The following UMAD1 variants were observed in gnomAD, a reference collection of about 807,000 sequenced individuals.
The protein encoded by UMAD1 is UBAP1-MVB12-associated (UMA) domain containing 1.
UMAD1 carries 8 observed loss-of-function variants against 6.1 expected under a neutral mutation model. The observed-to-expected ratio is 1.30, with a 90% CI of 0.76 to 2.35. The LOEUF is 2.35. Among genes scored for constraint, UMAD1 ranks in the 30% most tolerant of loss-of-function variants. The pLI is 0.00. For synonymous variants in UMAD1, 56 were observed against 31.4 expected, an observed-to-expected ratio of 1.78 and a Z score of -2.61; for missense variants, 130 against 78.4, an observed-to-expected ratio of 1.66 and a Z score of -2.49.
chr7:7,644,108 G>A (rs1360154996), intron 1 of UMAD1, among the ~76,000 whole-genome samples: 2 of 152,080 alleles, frequency 1.3e-5, no homozygotes, highest in Non-Finnish European at 2.9e-5. Context: ...GGCAACTCTT[G>A]GAGTTTTTTC....
intron 2 of UMAD1, among the ~76,000 whole-genome samples, chr7:7,716,027 A>G (rs1378997804): frequency 6.6e-6 from 1 of 152,228 alleles, no homozygotes. Flanking sequence ...TTTAAATTAG[A>G]AACTAATATA....
intron 3 of UMAD1, among the ~76,000 whole-genome samples, chr7:7,838,703 C>T (rs1326577805): frequency 6.6e-6 from 1 of 152,034 alleles, no homozygotes; most frequent in African/African-American, 2.4e-5. Context: ...TATCCATCAT[C>T]CACAGAATGA....
intron 1 of UMAD1, among the ~76,000 whole-genome samples, chr7:7,660,845 C>T (rs1241593891): frequency 1.3e-5 from 2 of 152,146 alleles, no homozygotes; most frequent in African/African-American, 2.4e-5. Context: ...TGAATGTTGG[C>T]CTGTCTTGCT....
intron 2 of UMAD1, chr7:7,738,545 G>A (rs1027392975): frequency 6.6e-6 from 1 of 152,182 alleles, no homozygotes; most frequent in Non-Finnish European, 1.5e-5. Flanking sequence ...GAATATAAAT[G>A]AACTTTATTT....
intron 3 of UMAD1, among the ~76,000 whole-genome samples, chr7:7,834,483 C>G (rs1783528112): frequency 6.6e-6 from 1 of 152,176 alleles, no homozygotes; most frequent in South Asian, 2.1e-4. Flanking sequence ...GACTGGGTGA[C>G]TTAAACAACA....
intron 3 of UMAD1, among the ~76,000 whole-genome samples, chr7:7,851,106 C>T (rs368679433): frequency 1.9e-4 from 29 of 152,184 alleles, no homozygotes; most frequent in African/African-American, 6.5e-4. Context: ...TATTCTGTCT[C>T]TTATAGATTT....
chr7:7,768,333 T>G (rs1455370836), intron 2 of UMAD1, among the ~76,000 whole-genome samples: 4 of 152,182 alleles, frequency 2.6e-5, no homozygotes, highest in African/African-American at 9.6e-5. Flanking sequence ...GAGAGGGATT[T>G]CCTCATTTCT....
rs548746506 is a variant in UMAD1, at chr7:7,753,496, A to G, written c.83-48174A>G. Among the ~76,000 whole-genome samples, 6 of 152,234 alleles carry G rather than the reference A, an allele frequency of 3.9e-5. No homozygotes were observed. The South Asian group carries it at 1.2e-3, about 32-fold the overall frequency. ...TAAGTTCAATTGTTTTGATTTTGAG[A>G]TCCCACGAATAAGTGAGAGCATGTG... On this transcript the variant is annotated intron_variant, in intron 2 of 3. Coordinates refer to ENST00000682710, the MANE Select transcript of UMAD1 (RefSeq NM_001302348.2).
intron 1 of UMAD1, among the ~76,000 whole-genome samples, chr7:7,672,469 G>T (rs144714586): frequency 9.1e-4 from 139 of 152,254 alleles, no homozygotes; most frequent in African/African-American, 3.2e-3. Context: ...ATTTTATAAT[G>T]GGTACTGATA....
intron 2 of UMAD1, among the ~76,000 whole-genome samples, chr7:7,686,543 A>G (rs1439211414): frequency 1.3e-5 from 2 of 152,222 alleles, no homozygotes; most frequent in Non-Finnish European, 2.9e-5. Context: ...TGAATGCATT[A>G]CTGAGAAGGC....
At chr7:7,840,917 C>G (rs1252727575) in intron 3 of UMAD1, among the ~76,000 whole-genome samples, 1 of 152,164 alleles carries the variant, frequency 6.6e-6, no homozygotes, top group Non-Finnish European at 1.5e-5. Context: ...GCTTAGCAGT[C>G]TGCACTTGTC....
rs111834772 is a variant in UMAD1 at position 7,873,972 on chromosome 7, T to C, written c.157-3309T>C. The stretch of plus-strand genomic sequence containing the variant: ...CTCGTCCAGCTGCAGATTCAAATTA[T>C]ATCCCCCTGCCTACTAACAGCTCCA... On this transcript the variant is annotated intron_variant, in intron 3 of 3. Transcript: ENST00000682710. Among the ~76,000 whole-genome samples the C allele has an allele frequency of 3.9e-4, 60 of 152,328 alleles. 1 individual carries two copies. Among genetic ancestry groups the C allele is most frequent in the Middle Eastern group, 6.8e-3 (2 of 294 alleles).
At chr7:7,793,135 T>C (rs1202532187) in intron 2 of UMAD1, among the ~76,000 whole-genome samples, 1 of 152,222 alleles carries the variant, frequency 6.6e-6, no homozygotes, top group African/African-American at 2.4e-5. Flanking sequence ...AACCAAGACC[T>C]TACCCCGGCT....
At chr7:7,748,023 G>A (rs1490784489) in intron 2 of UMAD1, among the ~76,000 whole-genome samples, 2 of 151,440 alleles carry the variant, frequency 1.3e-5, no homozygotes, top group African/African-American at 2.4e-5. Context: ...TGCAACCTCC[G>A]CCTCCTGGGT....
intron 1 of UMAD1, among the ~76,000 whole-genome samples, chr7:7,643,751 A>G (rs1278569322): frequency 7.7e-6 from 1 of 130,592 alleles, no homozygotes; most frequent in Non-Finnish European, 1.6e-5. Context: ...AAAAGGATCA[A>G]CGGTTAAATC....
chr7:7,669,770 T>G (rs1360630294), intron 1 of UMAD1, among the ~76,000 whole-genome samples: 1 of 152,186 alleles, frequency 6.6e-6, no homozygotes, highest in African/African-American at 2.4e-5. Context: ...ACTGATGCCT[T>G]TGTAATAATT....
chr7:7,684,408 C>T (rs887794868), intron 2 of UMAD1, among the ~76,000 whole-genome samples: 2 of 151,956 alleles, frequency 1.3e-5, no homozygotes, highest in African/African-American at 2.4e-5. Context: ...GGGGTTTCAC[C>T]ATGTTGGCCA....
chr7:7,660,239 C>G (rs1785440380), intron 1 of UMAD1, among the ~76,000 whole-genome samples: 1 of 152,150 alleles, frequency 6.6e-6, no homozygotes. Flanking sequence ...ACTGATGGAT[C>G]TTGACTCTTT....
At chr7:7,700,183 A>C (rs913035062) in intron 2 of UMAD1, among the ~76,000 whole-genome samples, 2 of 152,184 alleles carry the variant, frequency 1.3e-5, no homozygotes, top group Non-Finnish European at 2.9e-5. Flanking sequence ...GCAAATAGGC[A>C]GTCTGGTGAG....
Sources: gnomAD v4.1 joint callset for allele counts (sites outside exome capture counted in the v4.1 genomes callset) on GRCh38, gnomAD v4.1.1 for gene constraint, MANE v1.5 for transcripts, NCBI Gene and HGNC (gene_info 2026-07-23, HGNC 2026-07-21) for gene names.